AAK1: variants seen among roughly 807,000 people sequenced by gnomAD.
AAK1 encodes the protein AP2-associated protein kinase 1.
A neutral mutation model predicts 116.0 loss-of-function variants in AAK1; 37 were observed. The ratio of observed to expected loss-of-function variants is 0.32; its 90% CI spans 0.25 to 0.42. AAK1 has a LOEUF of 0.42. AAK1 is among the 10% of genes least tolerant of loss of function. The pLI, the probability that AAK1 is intolerant of heterozygous loss-of-function variation, is 1.00. For synonymous variants in AAK1, 458 were observed against 439.9 expected (o/e 1.04, Z -0.51); for missense variants, 919 against 1,170.6 (o/e 0.79, Z 3.14).
chr2:69,496,190 C>T lies in AAK1; in HGVS notation c.2270-110G>A, dbSNP rs986882969. On this transcript the variant is annotated intron_variant, in intron 16 of 21. Coordinates refer to ENST00000409085, the MANE Select transcript of AAK1 (RefSeq NM_014911.5). ...CCCTCTATTAATGCAACAGTTCAAA[C>T]TACAGAGTAAGTCTAAGCCTAGAAT... The T allele has an allele frequency of 2.4e-5, 17 of 710,548 alleles. No individual in the cohort carries two copies. The African/African-American group carries it at 2.5e-4, about 10-fold the overall frequency. 44.0% of individuals were successfully genotyped at this position (710,548 alleles called of 1,614,324 possible).
chr2:69,599,854 T>G (rs1263979236), intron 2 of AAK1, among the ~76,000 whole-genome samples: 1 of 152,142 alleles, frequency 6.6e-6, no homozygotes, highest in Non-Finnish European at 1.5e-5. Context: ...CACGGCTCAC[T>G]GCAGCCTTGA....
At chr2:69,643,410 G>C in intron 1 of AAK1, 136 bp from the exon 2 acceptor site, 1 of 1,173,074 alleles carries the variant, frequency 8.5e-7, no homozygotes, top group Admixed American at 4.2e-5. Context: ...AAACCGTGGG[G>C]CTGAAAACGC....
At position 69,458,898 on chromosome 2, in the gene AAK1, A is replaced by G. The variant is rs749963068; in HGVS notation, c.*16971T>C. On this transcript the variant is annotated 3_prime_UTR_variant, in exon 22 of 22. Coordinates refer to ENST00000409085, the MANE Select transcript of AAK1 (RefSeq NM_014911.5). ...TGCAATTCCTTGCCGAAAGGAATCA[A>G]ACGGATCCCTTTAACATGTACATAT... 1.3e-5 allele frequency: 2 copies of G among 152,624 alleles called. No homozygotes were observed. The highest frequency in any genetic ancestry group is 2.9e-5 in the Non-Finnish European group (2 of 68,054). 9.5% of individuals were successfully genotyped at this position (152,624 alleles called of 1,614,324 possible).
At chr2:69,531,894 C>A in intron 6 of AAK1, 147 bp downstream of exon 6, 1 of 1,385,266 alleles carries the variant, frequency 7.2e-7, no homozygotes, top group South Asian at 1.4e-5. Flanking sequence ...TAAAGTCAAA[C>A]AACCCAACTG....
intron 2 of AAK1, among the ~76,000 whole-genome samples, chr2:69,573,810 G>A (rs1375361593): frequency 6.6e-6 from 1 of 151,820 alleles, no homozygotes; most frequent in Non-Finnish European, 1.5e-5. Context: ...GACCAGCCTG[G>A]CCAACATAGT....
At chr2:69,488,792 G>T (rs1334339431) in intron 17 of AAK1, among the ~76,000 whole-genome samples, 1 of 152,004 alleles carries the variant, frequency 6.6e-6, no homozygotes, top group Non-Finnish European at 1.5e-5. Flanking sequence ...TAACAGAGAG[G>T]TACACAAGGT....
In AAK1 at chr2:69,464,127, C is replaced by T. The variant is rs1243180529; in HGVS notation, c.*11742G>A. On this transcript the variant is annotated 3_prime_UTR_variant, in exon 22 of 22. Transcript: ENST00000409085. ...CATGCCTACCTGATTCAGCTCTTTT[C>T]CATTCTCCCAAACACTTATTTCCAT... 6.6e-6 allele frequency: 1 copy of T among 152,508 alleles called. No homozygotes were observed. Among genetic ancestry groups the T allele is most frequent in the Non-Finnish European group, 1.5e-5 (1 of 68,036 alleles). The allele number at this position is 152,508 out of a possible 1,614,324, so 9.4% of individuals were successfully genotyped here. A position where few individuals can be genotyped will look rare whatever the true frequency, so the allele number is the denominator to read the frequency against.
intron 3 of AAK1, among the ~76,000 whole-genome samples, chr2:69,555,071 C>A (rs987620497): frequency 6.6e-6 from 1 of 152,074 alleles, no homozygotes; most frequent in Non-Finnish European, 1.5e-5. Context: ...GAAGGGCATT[C>A]CAGATAGAGG....
chr2:69,642,826 T>C, intron 2 of AAK1, 52 bp downstream of exon 2: 3 of 1,610,896 alleles, frequency 1.9e-6, no homozygotes, highest in Non-Finnish European at 2.5e-6. Flanking sequence ...AACCACAGTA[T>C]TGCCGCATCA....
chr2:69,598,786 G>A (rs1400977226), intron 2 of AAK1: 1 of 190,664 alleles, frequency 5.2e-6, no homozygotes, highest in African/African-American at 2.4e-5. Flanking sequence ...CTCCCAAAGT[G>A]CTGGGATTAT....
At chr2:69,616,507 T>C (rs1417881948) in intron 2 of AAK1, among the ~76,000 whole-genome samples, 1 of 152,220 alleles carries the variant, frequency 6.6e-6, no homozygotes, top group African/African-American at 2.4e-5. Flanking sequence ...GTACTGATGT[T>C]GGGGCCCAGG....
At chr2:69,582,158 A>T (rs1337767020) in intron 2 of AAK1, among the ~76,000 whole-genome samples, 4 of 152,194 alleles carry the variant, frequency 2.6e-5, no homozygotes, top group Non-Finnish European at 4.4e-5. Context: ...CTAAATGCTG[A>T]TAGAGTCTGA....
chr2:69,635,687 A>G (rs1675413495), intron 2 of AAK1, among the ~76,000 whole-genome samples: 1 of 152,232 alleles, frequency 6.6e-6, no homozygotes, highest in Non-Finnish European at 1.5e-5. Flanking sequence ...GCCAATGACA[A>G]AAGGCCAAAT....
chr2:69,523,838 G>A (rs1416764141), intron 10 of AAK1, among the ~76,000 whole-genome samples: 1 of 152,188 alleles, frequency 6.6e-6, no homozygotes, highest in Non-Finnish European at 1.5e-5. Context: ...CTGGCTGACT[G>A]GCACAAGGAC....
chr2:69,467,827 G>A lies in AAK1; in HGVS notation c.*8042C>T, dbSNP rs1674539733. 1 of 985,292 alleles carries A rather than the reference G, an allele frequency of 1.0e-6. No homozygotes were observed. Among genetic ancestry groups the A allele is most frequent in the South Asian group, 4.7e-5 (1 of 21,292 alleles). The allele number at this position is 985,292 out of a possible 1,614,324, so 61.0% of individuals were successfully genotyped here. A position where few individuals can be genotyped will look rare whatever the true frequency, so the allele number is the denominator to read the frequency against. On this transcript the variant is annotated 3_prime_UTR_variant, in exon 22 of 22. Coordinates refer to ENST00000409085, the MANE Select transcript of AAK1 (RefSeq NM_014911.5). Reference sequence around the variant, plus strand: ...TTTATTGGGAAACCAGTCACTTAGAGACATTACATTGTAAAGAGAATGTAG... The same window carrying A: ...TTTATTGGGAAACCAGTCACTTAGAAACATTACATTGTAAAGAGAATGTAG...
At chr2:69,593,515 T>C (rs1291873237) in intron 2 of AAK1, among the ~76,000 whole-genome samples, 1 of 151,654 alleles carries the variant, frequency 6.6e-6, no homozygotes, top group Non-Finnish European at 1.5e-5. Flanking sequence ...TTTTATATAA[T>C]ATGCAAATAT....
chr2:69,489,502 C>G (rs1195950632), intron 17 of AAK1, among the ~76,000 whole-genome samples: 2 of 148,322 alleles, frequency 1.3e-5, no homozygotes, highest in Non-Finnish European at 3.0e-5. Flanking sequence ...GCTAATAAAA[C>G]CAAGGGCTTT....
In AAK1 at chr2:69,472,025, C is replaced by T; in HGVS notation, c.*3844G>A. 2 of 985,344 alleles carry T rather than the reference C, an allele frequency of 2.0e-6. No homozygotes were observed. 61.0% of individuals were successfully genotyped at this position (985,344 alleles called of 1,614,324 possible). ...GAGCGAAGTCCAATATCAAATAACACTGAACAAAGTGACAACTTCTTTCAG... is the reference window on the plus strand; with the variant it reads ...GAGCGAAGTCCAATATCAAATAACATTGAACAAAGTGACAACTTCTTTCAG... On this transcript the variant is annotated 3_prime_UTR_variant, in exon 22 of 22. Transcript: ENST00000409085.
chr2:69,466,195 C>T lies in AAK1; in HGVS notation c.*9674G>A, dbSNP rs2104860258. On this transcript the variant is annotated 3_prime_UTR_variant, in exon 22 of 22. Coordinates refer to ENST00000409085, the MANE Select transcript of AAK1 (RefSeq NM_014911.5). ...AACTGGTTCTTTCTTCCACCTTGCA[C>T]TGTCTTTGCTTGCTCAGGAGAGACT... 7.8e-7 allele frequency: 1 copy of T among 1,289,882 alleles called. No individual in the cohort carries two copies. Among genetic ancestry groups the T allele is most frequent in the Middle Eastern group, 2.1e-4 (1 of 4,696 alleles). The allele number at this position is 1,289,882 out of a possible 1,614,324, so 79.9% of individuals were successfully genotyped here.
Sources: gnomAD v4.1 joint callset for allele counts (sites outside exome capture counted in the v4.1 genomes callset) on GRCh38, gnomAD v4.1.1 for gene constraint, MANE v1.5 for transcripts, NCBI Gene and HGNC (gene_info 2026-07-23, HGNC 2026-07-21) for gene names.